CEP104: variants seen among roughly 807,000 people sequenced by gnomAD.
CEP104 encodes the protein centrosomal protein 104.
In CEP104, 84 loss-of-function variants were observed where a neutral mutation model predicts 113.3. The ratio of observed to expected loss-of-function variants is 0.74; its 90% CI spans 0.62 to 0.89. The LOEUF (loss-of-function observed/expected upper bound fraction) is 0.89. Among genes scored for constraint, CEP104 ranks in the 40% least tolerant of loss-of-function variants. The pLI is 0.00. For synonymous variants in CEP104, 378 were observed against 421.7 expected (o/e 0.90, Z 1.27); for missense variants, 1,053 against 1,156.6 (o/e 0.91, Z 1.30).
intron 15 of CEP104, 124 bp downstream of exon 15, chr1:3,829,142 C>A: frequency 2.9e-6 from 2 of 682,734 alleles, no homozygotes; most frequent in South Asian, 2.4e-5. Context: ...CCTAAAAAAC[C>A]AAAAGGAATC....
chr1:3,821,960 G>A (rs750676717), intron 20 of CEP104, among the ~76,000 whole-genome samples: 1 of 152,224 alleles, frequency 6.6e-6, no homozygotes, highest in Non-Finnish European at 1.5e-5. Context: ...TGTGACTGAC[G>A]TCTGGAAGGC....
Position 3,840,912 on chromosome 1 carries a change from G to A in CEP104, c.567-1136C>T, listed in dbSNP as rs537798561. ...ACTGAGGTTTTACTCAAAGGGTTAA[G>A]TTGTATGGTGTCAACCATCATATCC... is the stretch of plus-strand genomic sequence containing the variant. On this transcript the variant is annotated intron_variant, in intron 6 of 21. Coordinates refer to ENST00000378230, the MANE Select transcript of CEP104 (RefSeq NM_014704.4). 3.9e-5 allele frequency among the ~76,000 whole-genome samples: 6 copies of A among 152,328 alleles called. No individual in the cohort carries two copies. The South Asian group carries it at 1.2e-3, about 32-fold the overall frequency.
Position 3,816,293 on chromosome 1 carries a change from C to G in CEP104, c.2649G>C (p.Pro883=). The G allele has an allele frequency of 1.9e-6, 3 of 1,552,394 alleles. No individual in the cohort carries two copies. Among genetic ancestry groups the G allele is most frequent in the South Asian group, 1.2e-5 (1 of 84,110 alleles). Residue 883 remains proline (P), a synonymous_variant, in exon 21 of 22, where the codon CCG becomes CCC. Coordinates refer to ENST00000378230, the MANE Select transcript of CEP104 (RefSeq NM_014704.4). ...LRKTHILQKA[P]ALQPGKSSAV... ...GCTGTCCCTCACCTGGCTGCAGTGC[C>G]GGGGCCTTCTGCAGAATGTGTGTCT...
At position 3,837,344 on chromosome 1, in the gene CEP104, T is replaced by C; in HGVS notation, c.1067A>G (p.His356Arg). Residue 356 changes from histidine (H) to arginine (R), a missense_variant, in exon 9 of 22, where the codon CAT (histidine) becomes CGT (arginine). By Grantham distance (29) the His-to-Arg change is conservative. Coordinates refer to ENST00000378230, the MANE Select transcript of CEP104 (RefSeq NM_014704.4). Reference sequence around the variant, plus strand: ...AGGGAGTAACGGGTCTACTGCAGAATGCTGAGGAGAAATAGTTAGAGAATA... The same window carrying C: ...AGGGAGTAACGGGTCTACTGCAGAACGCTGAGGAGAAATAGTTAGAGAATA... ...SSYSLTISPQ[H>R]SAVDPLLPAT... The C allele has an allele frequency of 6.8e-6, 11 of 1,614,168 alleles. No individual in the cohort carries two copies. The highest frequency in any genetic ancestry group is 1.6e-4 in the Middle Eastern group (1 of 6,062).
chr1:3,828,691 C>CT lies in CEP104; in HGVS notation c.2151+574dup, dbSNP rs1389368703. ...TCCCTGTGTTCTGCCACCTTTATAT[C>CT]TTTTTTTTAAGGAAATTTTCTTTCA... On this transcript the variant is annotated intron_variant, in intron 15 of 21. Transcript: ENST00000378230. Among the ~76,000 whole-genome samples, 8 of 151,926 alleles carry CT rather than the reference C, an allele frequency of 5.3e-5. No individual in the cohort carries two copies. In the South Asian group the frequency reaches 6.2e-4, roughly 12 times the overall value.
rs543238063 is a variant in CEP104, at chr1:3,823,848, A to G, written c.2365-286T>C. Among the ~76,000 whole-genome samples, 232 of 152,306 alleles carry G rather than the reference A, an allele frequency of 1.5e-3. No homozygotes were observed. The highest frequency in any genetic ancestry group is 1.9e-3 in the Non-Finnish European group (127 of 68,026). On this transcript the variant is annotated intron_variant, in intron 18 of 21. Transcript: ENST00000378230. The surrounding 1 kb of genome is among the most constrained non-coding windows in gnomAD (Gnocchi z 4.1). The stretch of plus-strand genomic sequence containing the variant: ...CGGTCGGCCTGAGTGTGAAGCTTGG[A>G]TGAGGGCGCAGAGTGGCTCAGTGGT...
chr1:3,835,866 T>C (rs1644298968), intron 10 of CEP104, among the ~76,000 whole-genome samples: 1 of 152,132 alleles, frequency 6.6e-6, no homozygotes, highest in South Asian at 2.1e-4. Context: ...TAATTTATAA[T>C]TTACAGAAGG....
Position 3,833,904 on chromosome 1 carries a change from A to C in CEP104, c.1617T>G (p.Asp539Glu). 6.2e-7 allele frequency: 1 copy of C among 1,614,264 alleles called. No individual in the cohort carries two copies. Among genetic ancestry groups the C allele is most frequent in the African/African-American group, 1.3e-5 (1 of 75,074 alleles). Residue 539 changes from aspartate (D) to glutamate (E), a missense_variant, in exon 12 of 22, where the codon GAT becomes GAG. By Grantham distance (45) the Asp-to-Glu change is conservative. Coordinates refer to ENST00000378230, the MANE Select transcript of CEP104 (RefSeq NM_014704.4). The part of the protein sequence containing the change: ...TIPVLLTRTG[D>E]SSARLRVTAA... ...CTGTGACGCGGAGGCGGGCAGAAGA[A>C]TCTCCAGTTCTGGTGAGCAAAACGG...
chr1:3,822,164 C>T (rs1201478039), intron 20 of CEP104, among the ~76,000 whole-genome samples: 1 of 152,154 alleles, frequency 6.6e-6, no homozygotes, highest in Non-Finnish European at 1.5e-5. Context: ...AGGGAGAGTC[C>T]TGAGGGTTTC....
chr1:3,829,819 T>A lies in CEP104; in HGVS notation c.2015A>T (p.Asp672Val). 1 of 1,614,236 alleles carries A rather than the reference T, an allele frequency of 6.2e-7. No individual in the cohort carries two copies. Among genetic ancestry groups the A allele is most frequent in the East Asian group, 2.2e-5 (1 of 44,890 alleles). The change falls in exon 14 of 22, where the codon GAT becomes GTT. Residue 672 changes from aspartate to valine, a missense_variant. Coordinates refer to ENST00000378230, the MANE Select transcript of CEP104 (RefSeq NM_014704.4). ...KTIFEGFAKI[D>V]GRATDAEMRA... ...CATCTCAGCATCTGTAGCTCTGCCATCTATTTTAGCAAATCCCTCAAAAAT... is the reference window on the plus strand; with the variant it reads ...CATCTCAGCATCTGTAGCTCTGCCAACTATTTTAGCAAATCCCTCAAAAAT...
chr1:3,816,156 G>T (rs890337529), intron 21 of CEP104, 124 bp downstream of exon 21: 5 of 759,066 alleles, frequency 6.6e-6, no homozygotes, highest in Non-Finnish European at 2.1e-6. Context: ...AGACAGGCTT[G>T]GATGCTTTAT....
At chr1:3,843,103 T>G in intron 6 of CEP104, 1 of 609,658 alleles carries the variant, frequency 1.6e-6, no homozygotes, top group South Asian at 1.9e-5. Flanking sequence ...AACATTTCAA[T>G]TCCTCTTTTT....
intron 1 of CEP104, among the ~76,000 whole-genome samples, chr1:3,855,416 A>C (rs1038602489): frequency 2.2e-5 from 3 of 134,652 alleles, no homozygotes; most frequent in Admixed American, 7.6e-5. Context: ...AACTCCTCCC[A>C]CCTTAGTGTC....
chr1:3,853,004 T>A (rs1044742661), intron 1 of CEP104, among the ~76,000 whole-genome samples: 6 of 152,258 alleles, frequency 3.9e-5, no homozygotes, highest in African/African-American at 1.4e-4. Context: ...GCCCTGTCCA[T>A]GCAGCCATCT....
chr1:3,853,757 A>G (rs1644660087), intron 1 of CEP104, among the ~76,000 whole-genome samples: 1 of 151,130 alleles, frequency 6.6e-6, no homozygotes, highest in African/African-American at 2.5e-5. Context: ...TTAAACAAAA[A>G]CAAAACTAAA....
At chr1:3,844,773 A>C in intron 6 of CEP104, 134 bp downstream of exon 6, 1 of 585,144 alleles carries the variant, frequency 1.7e-6, no homozygotes, top group Non-Finnish European at 3.0e-6. Flanking sequence ...AATTTCAGAC[A>C]ATCCAATCAG....
chr1:3,833,635 A>C, intron 12 of CEP104: 1 of 403,656 alleles, frequency 2.5e-6, no homozygotes, highest in Non-Finnish European at 4.4e-6. Flanking sequence ...TTAATGGCAT[A>C]TGTTGGATAA....
chr1:3,818,256 G>A (rs1210209462), intron 20 of CEP104, among the ~76,000 whole-genome samples: 1 of 152,178 alleles, frequency 6.6e-6, no homozygotes, highest in Admixed American at 6.5e-5. Context: ...TTAGAAGAGT[G>A]CTCCCAGTAT....
chr1:3,825,919 G>T, intron 17 of CEP104, 53 bp from the exon 18 acceptor site: 1 of 1,197,456 alleles, frequency 8.4e-7, no homozygotes, highest in Non-Finnish European at 1.2e-6. Context: ...TCCACTGATG[G>T]CCGTTCCGCT....
Sources: gnomAD v4.1 joint callset for allele counts (sites outside exome capture counted in the v4.1 genomes callset) on GRCh38, gnomAD v4.1.1 for gene constraint, Gnocchi (gnomAD v3.1) non-coding constraint, MANE v1.5 for transcripts, NCBI Gene and HGNC (gene_info 2026-07-23, HGNC 2026-07-21) for gene names.